RIMBP2: variants seen among roughly 807,000 people sequenced by gnomAD.
RIMBP2 encodes RIMS-binding protein 2.
RIMBP2 carries 48 observed loss-of-function variants against 118.6 expected under a neutral mutation model. That is an observed-to-expected ratio of 0.40 (90% CI 0.32 to 0.51). The LOEUF (loss-of-function observed/expected upper bound fraction) is 0.51, where lower values mean the gene tolerates loss of function less well. RIMBP2 is among the 20% of genes least tolerant of loss of function. RIMBP2 has a pLI of 0.41. For synonymous variants in RIMBP2, 762 were observed against 742.9 expected, an observed-to-expected ratio of 1.03 and a Z score of -0.42; for missense variants, 1,551 against 1,768.3, an observed-to-expected ratio of 0.88 and a Z score of 2.20.
chr12:130,680,209 T>A (rs950317803), intron 1 of RIMBP2, among the ~76,000 whole-genome samples: 1 of 152,216 alleles, frequency 6.6e-6, no homozygotes, highest in African/African-American at 2.4e-5. Flanking sequence ...CTCCCAAAAC[T>A]AAAAATGCAC....
intron 4 of RIMBP2, among the ~76,000 whole-genome samples, chr12:130,496,869 T>A (rs2049220127): frequency 6.6e-6 from 1 of 152,208 alleles, no homozygotes; most frequent in Non-Finnish European, 1.5e-5. Context: ...ACTGCCCCGA[T>A]GTCACTGAGC....
rs188863553 is a variant in RIMBP2 at position 130,670,821 on chromosome 12, T to C, written c.-351-42365A>G. ...TACAGTCCCTCTCTGTTGCCCAGGCTGGAGTGCAGTGGCGCAATCTCAGCT... is the reference window on the plus strand; with the variant it reads ...TACAGTCCCTCTCTGTTGCCCAGGCCGGAGTGCAGTGGCGCAATCTCAGCT... On this transcript the variant is annotated intron_variant, in intron 1 of 22. Coordinates refer to ENST00000690449, the MANE Select transcript of RIMBP2 (RefSeq NM_001393629.1). This position sits in a 1 kb window ranked among gnomAD's most constrained non-coding sequence, Gnocchi z 4.9. Among the ~76,000 whole-genome samples, 899 of 152,336 alleles carry C rather than the reference T, an allele frequency of 5.9e-3. 6 individuals carry two copies. The highest frequency in any genetic ancestry group is 8.1e-3 in the Non-Finnish European group (550 of 68,030).
chr12:130,474,286 C>T (rs1326120907), intron 5 of RIMBP2, among the ~76,000 whole-genome samples: 1 of 152,112 alleles, frequency 6.6e-6, no homozygotes, highest in Non-Finnish European at 1.5e-5. Context: ...ATTCCCTCCA[C>T]AGGCATTTAC....
intron 4 of RIMBP2, among the ~76,000 whole-genome samples, chr12:130,503,306 G>A (rs965166922): frequency 6.6e-6 from 1 of 151,820 alleles, no homozygotes; most frequent in Non-Finnish European, 1.5e-5. Flanking sequence ...TAAGGCAGGA[G>A]AATCTCTTGA....
intron 6 of RIMBP2, among the ~76,000 whole-genome samples, chr12:130,468,573 C>A (rs989785516): frequency 4.6e-5 from 7 of 152,172 alleles, no homozygotes; most frequent in Admixed American, 3.9e-4. Context: ...CTCTCCTCCA[C>A]CCCAGGGGAA....
chr12:130,403,568 T>C (rs1234467650), intron 21 of RIMBP2, among the ~76,000 whole-genome samples: 3 of 152,188 alleles, frequency 2.0e-5, no homozygotes, highest in African/African-American at 7.2e-5. Flanking sequence ...ATAAAAACTT[T>C]TGTGCAACTG....
chr12:130,682,862 A>G (rs999358741), intron 1 of RIMBP2, among the ~76,000 whole-genome samples: 3 of 152,236 alleles, frequency 2.0e-5, no homozygotes, highest in African/African-American at 7.2e-5. Context: ...AATTTCTAAT[A>G]AGATTGTTCA....
intron 17 of RIMBP2, among the ~76,000 whole-genome samples, chr12:130,416,445 A>C (rs2136561374): frequency 6.6e-6 from 1 of 152,302 alleles, no homozygotes; most frequent in African/African-American, 2.4e-5. Flanking sequence ...CTGATATTTG[A>C]CAAAGCTGAG....
Position 130,422,582 on chromosome 12 carries a change from A to C in RIMBP2, c.3130-21T>G. ...AAAATCTAAAGACAAAACAACAACA[A>C]AGTCGTAAGTCTCGCCAGCATTGGG... On this transcript the variant is annotated intron_variant, in intron 16 of 22. Coordinates refer to ENST00000690449, the MANE Select transcript of RIMBP2 (RefSeq NM_001393629.1). The surrounding 1 kb of genome is among the most constrained non-coding windows in gnomAD (Gnocchi z 5.2). 13 of 1,514,856 alleles carry C rather than the reference A, an allele frequency of 8.6e-6. No individual in the cohort carries two copies. Among genetic ancestry groups the C allele is most frequent in the Non-Finnish European group, 1.0e-5 (11 of 1,102,030 alleles). The allele number at this position is 1,514,856 out of a possible 1,614,324, so 93.8% of individuals were successfully genotyped here. A position where few individuals can be genotyped will look rare whatever the true frequency, so the allele number is the denominator to read the frequency against.
At chr12:130,400,519 G>A (rs913675439) in intron 21 of RIMBP2, among the ~76,000 whole-genome samples, 6 of 152,112 alleles carry the variant, frequency 3.9e-5, no homozygotes, top group African/African-American at 7.2e-5. Flanking sequence ...GGCCTACCAC[G>A]TCACTTCTTC....
intron 4 of RIMBP2, among the ~76,000 whole-genome samples, chr12:130,480,016 C>A (rs2081823813): frequency 6.6e-6 from 1 of 151,924 alleles, no homozygotes; most frequent in Non-Finnish European, 1.5e-5. Flanking sequence ...CAGCCACGAA[C>A]CCTGGCAGCC....
intron 5 of RIMBP2, among the ~76,000 whole-genome samples, chr12:130,476,928 G>A (rs186793070): frequency 1.3e-5 from 2 of 152,316 alleles, no homozygotes; most frequent in East Asian, 3.9e-4. Flanking sequence ...CACAAGTGCA[G>A]TGCAACGACC....
At chr12:130,600,107 T>C (rs2140418301) in intron 2 of RIMBP2, among the ~76,000 whole-genome samples, 1 of 152,352 alleles carries the variant, frequency 6.6e-6, no homozygotes, top group Non-Finnish European at 1.5e-5. Flanking sequence ...ATCTTACACA[T>C]ATTGATTGAT....
In RIMBP2 at chr12:130,420,487, T is replaced by A. The variant is rs538799273; in HGVS notation, c.3238+1966A>T. On this transcript the variant is annotated intron_variant, in intron 17 of 22. Transcript: ENST00000690449. The surrounding 1 kb of genome is among the most constrained non-coding windows in gnomAD (Gnocchi z 4.3). ...GACACGCATGCAGCCTTTGGAATTC[T>A]ACGGCTTCAGAAAAATCCAACCACA... 6.6e-6 allele frequency among the ~76,000 whole-genome samples: 1 copy of A among 152,368 alleles called. No homozygotes were observed. Among genetic ancestry groups the A allele is most frequent in the East Asian group, 1.9e-4 (1 of 5,186 alleles).
At chr12:130,686,590 G>C (rs1201674644) in intron 1 of RIMBP2, among the ~76,000 whole-genome samples, 2 of 152,250 alleles carry the variant, frequency 1.3e-5, no homozygotes, top group Non-Finnish European at 2.9e-5. Flanking sequence ...GAGGAGCCAA[G>C]TCTGCCAAGA....
chr12:130,632,433 G>A (rs1007577823), intron 1 of RIMBP2, among the ~76,000 whole-genome samples: 7 of 152,090 alleles, frequency 4.6e-5, no homozygotes, highest in African/African-American at 1.4e-4. Context: ...AAATTGGGGG[G>A]TGGGGCAATG....
intron 6 of RIMBP2, among the ~76,000 whole-genome samples, chr12:130,467,979 G>A (rs996212386): frequency 3.3e-5 from 5 of 152,096 alleles, no homozygotes; most frequent in Non-Finnish European, 4.4e-5. Flanking sequence ...CTATCTAGGC[G>A]CCCTCTATTG....
At chr12:130,616,393 T>C (rs1176120797) in intron 2 of RIMBP2, among the ~76,000 whole-genome samples, 1 of 152,134 alleles carries the variant, frequency 6.6e-6, no homozygotes, top group Non-Finnish European at 1.5e-5. Context: ...TCTCTGACTG[T>C]TGCCGTTTTC....
chr12:130,432,183 G>T (rs1201457242), intron 14 of RIMBP2: 7 of 456,126 alleles, frequency 1.5e-5, no homozygotes, highest in Non-Finnish European at 2.6e-5. Context: ...TCCTGGATAG[G>T]TGAGGAGAAC....
Sources: allele counts gnomAD v4.1 joint callset (sites outside exome capture counted in the v4.1 genomes callset), GRCh38; gene constraint gnomAD v4.1.1; non-coding constraint Gnocchi (gnomAD v3.1); transcripts MANE v1.5; gene names NCBI Gene and HGNC (gene_info 2026-07-23, HGNC 2026-07-21).